Variants in ANAPC10 observed in about 807,000 individuals in gnomAD.
The protein encoded by ANAPC10 is anaphase promoting complex subunit 10, also known as anaphase-promoting complex subunit 10.
In ANAPC10, 12 loss-of-function variants were observed where a neutral mutation model predicts 22.0. That is an observed-to-expected ratio of 0.55 (90% confidence interval 0.35 to 0.88). The LOEUF is 0.88. Ranked by LOEUF, ANAPC10 falls within the 40% of genes least tolerant of loss-of-function variation. The pLI, the probability that ANAPC10 is intolerant of heterozygous loss-of-function variation, is 0.01. For synonymous variants in ANAPC10, 65 were observed against 69.5 expected, an observed-to-expected ratio of 0.94 and a Z score of 0.32; for missense variants, 188 against 220.9, an observed-to-expected ratio of 0.85 and a Z score of 0.94.
At chr4:145,015,283 A>T (rs1462599699) in intron 4 of ANAPC10, among the ~76,000 whole-genome samples, 2 of 152,006 alleles carry the variant, frequency 1.3e-5, no homozygotes, top group Non-Finnish European at 2.9e-5. Flanking sequence ...ACTTATAGAA[A>T]TGCAAAATGC....
intron 4 of ANAPC10, among the ~76,000 whole-genome samples, chr4:145,039,589 G>C (rs1418907995): frequency 6.6e-6 from 1 of 151,808 alleles, no homozygotes; most frequent in Non-Finnish European, 1.5e-5. Context: ...ATAGCCCTAT[G>C]AGGTATACTC....
Position 145,096,005 on chromosome 4 carries a change from G to C in ANAPC10, c.95C>G (p.Ser32Ter). 1 of 1,614,108 alleles carries C rather than the reference G, an allele frequency of 6.2e-7. No individual in the cohort carries two copies. The highest frequency in any genetic ancestry group is 1.1e-5 in the South Asian group (1 of 91,054). ...VREIGSQAVW[S>*]LSSCKPGFGV... ...TTTACCTGGTTTGCAAGATGAGAGTGACCAAACAGCTTGTGACCCAATTTC... is the reference window on the plus strand; with the variant it reads ...TTTACCTGGTTTGCAAGATGAGAGTCACCAAACAGCTTGTGACCCAATTTC... The change falls in exon 2 of 5, where the codon TCA (serine) becomes TGA (stop). Residue 32 changes from serine to a stop codon, truncating the protein, a stop_gained. Transcript: ENST00000507656. LOFTEE classifies it high-confidence loss of function.
intron 4 of ANAPC10, among the ~76,000 whole-genome samples, chr4:145,021,826 A>C (rs1196949288): frequency 6.6e-6 from 1 of 152,192 alleles, no homozygotes; most frequent in African/African-American, 2.4e-5. Flanking sequence ...ATCAGCCAAA[A>C]AAAATTAATC....
chr4:145,043,750 G>T (rs1355352177), intron 4 of ANAPC10, among the ~76,000 whole-genome samples: 1 of 152,134 alleles, frequency 6.6e-6, no homozygotes, highest in Non-Finnish European at 1.5e-5. Context: ...CCCTCCTACA[G>T]TATTACAAAT....
At chr4:145,090,551 A>G (rs555167450) in intron 2 of ANAPC10, among the ~76,000 whole-genome samples, 1 of 152,200 alleles carries the variant, frequency 6.6e-6, no homozygotes, top group Non-Finnish European at 1.5e-5. Flanking sequence ...GCCCATATTT[A>G]GTGGAAAGCA....
intron 4 of ANAPC10, among the ~76,000 whole-genome samples, chr4:145,040,378 C>T (rs551201471): frequency 6.6e-6 from 1 of 152,146 alleles, no homozygotes; most frequent in Admixed American, 6.5e-5. Flanking sequence ...GAACTCCTGA[C>T]CTCAGGTGAT....
intron 4 of ANAPC10, among the ~76,000 whole-genome samples, chr4:145,058,895 A>G (rs1742466056): frequency 6.6e-6 from 1 of 152,164 alleles, no homozygotes. Context: ...AGAAGGTAAC[A>G]TTTTTTGGCC....
chr4:145,022,315 G>A (rs1404756317), intron 4 of ANAPC10, among the ~76,000 whole-genome samples: 1 of 151,994 alleles, frequency 6.6e-6, no homozygotes, highest in African/African-American at 2.4e-5. Flanking sequence ...CAGTATACAT[G>A]GTGGGATACT....
At chr4:145,051,150 C>T (rs574995728) in intron 4 of ANAPC10, among the ~76,000 whole-genome samples, 1 of 152,198 alleles carries the variant, frequency 6.6e-6, no homozygotes, top group Admixed American at 6.5e-5. Context: ...AGTTAGAGGC[C>T]TAATTGAATC....
At chr4:145,037,789 A>C (rs954266975) in intron 4 of ANAPC10, among the ~76,000 whole-genome samples, 5 of 151,972 alleles carry the variant, frequency 3.3e-5, no homozygotes, top group African/African-American at 1.2e-4. Flanking sequence ...TCTACAAAAA[A>C]CACAAAAATT....
intron 3 of ANAPC10, among the ~76,000 whole-genome samples, chr4:145,075,062 T>A (rs1671086330): frequency 1.3e-5 from 2 of 152,066 alleles, no homozygotes; most frequent in Admixed American, 1.3e-4. Context: ...TCCTAGACCT[T>A]CTTTATCAGT....
In ANAPC10 at chr4:145,096,067, A is replaced by G; in HGVS notation, c.33T>C (p.Ala11=). The G allele has an allele frequency of 1.9e-6, 3 of 1,614,204 alleles. No individual in the cohort carries two copies. Among genetic ancestry groups the G allele is most frequent in the South Asian group, 2.2e-5 (2 of 91,090 alleles). ...CAGTCCTTTCCAACTGCTTGGGGTC[A>G]GCACCAGGAGGTGTCTTGTTTGGTG... MTTPNKTPPG[A]DPKQLERTGT... Residue 11 remains alanine (A), a synonymous_variant, in exon 2 of 5, where the codon GCT becomes GCC. Coordinates refer to ENST00000507656, the MANE Select transcript of ANAPC10 (RefSeq NM_001256706.2).
chr4:145,014,329 C>A (rs1560823593), intron 4 of ANAPC10, among the ~76,000 whole-genome samples: 1 of 151,956 alleles, frequency 6.6e-6, no homozygotes, highest in Non-Finnish European at 1.5e-5. Flanking sequence ...CCCCCACTTC[C>A]CTGACAACCT....
At position 145,011,372 on chromosome 4, in the gene ANAPC10, A is replaced by AAAATG. The variant is rs1168315346; in HGVS notation, c.328-15770_328-15769insCATTT. ...AAAATAAAATAAAATAAAATAAAAT[A>AAAATG]AAATAAAATAAAATAAAATTCAAGA... On this transcript the variant is annotated intron_variant, in intron 4 of 4. Coordinates refer to ENST00000507656, the MANE Select transcript of ANAPC10 (RefSeq NM_001256706.2). Among the ~76,000 whole-genome samples the AAAATG allele has an allele frequency of 4.8e-3, 733 of 151,160 alleles. 13 individuals are homozygous for AAAATG. The highest frequency in any genetic ancestry group is 0.017 in the African/African-American group (715 of 41,330).
intron 4 of ANAPC10, among the ~76,000 whole-genome samples, chr4:145,047,614 T>G (rs2127177064): frequency 6.6e-6 from 1 of 152,158 alleles, no homozygotes; most frequent in South Asian, 2.1e-4. Flanking sequence ...CACTTCTCAA[T>G]GCCTTTCATT....
chr4:145,078,825 C>T (rs1339723739), intron 3 of ANAPC10, among the ~76,000 whole-genome samples: 33 of 152,084 alleles, frequency 2.2e-4, no homozygotes, highest in Admixed American at 1.6e-3. Flanking sequence ...GCTAGCCATA[C>T]GCAGAAGATT....
At chr4:145,011,536 G>A (rs551338504) in intron 4 of ANAPC10, among the ~76,000 whole-genome samples, 2 of 152,126 alleles carry the variant, frequency 1.3e-5, no homozygotes, top group Non-Finnish European at 2.9e-5. Context: ...AGGGAGGAGA[G>A]AGCCTCAGGG....
At chr4:145,038,122 G>C (rs946891737) in intron 4 of ANAPC10, among the ~76,000 whole-genome samples, 15 of 151,912 alleles carry the variant, frequency 9.9e-5, no homozygotes, top group Non-Finnish European at 2.2e-4. Flanking sequence ...ATAGCTTGAG[G>C]CCAGAAGTTC....
At chr4:145,074,523 A>G (rs1744924951) in intron 3 of ANAPC10, among the ~76,000 whole-genome samples, 1 of 152,162 alleles carries the variant, frequency 6.6e-6, no homozygotes, top group African/African-American at 2.4e-5. Context: ...CTTAATTGCT[A>G]GTGTGTCTAT....
Sources: gnomAD v4.1 joint callset for allele counts (sites outside exome capture counted in the v4.1 genomes callset) on GRCh38, gnomAD v4.1.1 for gene constraint, MANE v1.5 for transcripts, NCBI Gene and HGNC (gene_info 2026-07-23, HGNC 2026-07-21) for gene names.